PRKG1: variants seen among roughly 807,000 people sequenced by gnomAD.
The protein encoded by PRKG1 is cGMP-dependent protein kinase 1.
Under a neutral mutation model 88.1 loss-of-function variants are expected in PRKG1, and 35 were observed. The ratio of observed to expected loss-of-function variants is 0.40; its 90% CI spans 0.30 to 0.53. The LOEUF is 0.53. PRKG1 is among the 20% of genes least tolerant of loss of function. The pLI is 0.59. For missense variants in PRKG1, 540 were observed against 839.8 expected (o/e 0.64, Z 4.41); for synonymous variants, 303 against 292.5 (o/e 1.04, Z -0.37).
intron 4 of PRKG1, among the ~76,000 whole-genome samples, chr10:51,872,734 T>A (rs1016804364): frequency 6.6e-6 from 1 of 152,136 alleles, no homozygotes; most frequent in African/African-American, 2.4e-5. Context: ...ATTGTATTCC[T>A]CACAGCAACT....
chr10:51,399,135 A>T (rs974510509), intron 2 of PRKG1, among the ~76,000 whole-genome samples: 5 of 151,880 alleles, frequency 3.3e-5, no homozygotes, highest in South Asian at 2.1e-4. Context: ...ATGTATACAT[A>T]TACATGTATA....
chr10:51,227,861 G>A (rs1838734624), intron 2 of PRKG1, among the ~76,000 whole-genome samples: 2 of 152,144 alleles, frequency 1.3e-5, no homozygotes, highest in South Asian at 4.1e-4. Flanking sequence ...TCACAGCAGG[G>A]ACTATCAAGT....
At chr10:52,045,101 A>G (rs765224527) in intron 5 of PRKG1, among the ~76,000 whole-genome samples, 10 of 152,066 alleles carry the variant, frequency 6.6e-5, no homozygotes, top group African/African-American at 1.2e-4. Context: ...GTACTTTCAC[A>G]TCTATTCCTT....
intron 2 of PRKG1, among the ~76,000 whole-genome samples, chr10:51,403,589 A>G (rs929416409): frequency 2.0e-5 from 3 of 152,180 alleles, no homozygotes. Flanking sequence ...AACTTGCCCA[A>G]TAATCCATTT....
chr10:51,767,283 G>A (rs1206968634), intron 3 of PRKG1, among the ~76,000 whole-genome samples: 2 of 152,100 alleles, frequency 1.3e-5, no homozygotes, highest in African/African-American at 4.8e-5. Context: ...CTACCATGGA[G>A]AGCTATTTGA....
chr10:51,474,691 G>C (rs1840144331), intron 3 of PRKG1, among the ~76,000 whole-genome samples: 1 of 151,902 alleles, frequency 6.6e-6, no homozygotes, highest in Non-Finnish European at 1.5e-5. Flanking sequence ...AATTTAAACA[G>C]CAGCTAAAGA....
intron 3 of PRKG1, among the ~76,000 whole-genome samples, chr10:51,791,500 A>G (rs576737055): frequency 6.6e-6 from 1 of 152,224 alleles, no homozygotes; most frequent in African/African-American, 2.4e-5. Flanking sequence ...ACTGTCCTCA[A>G]TTTCTAATCT....
intron 3 of PRKG1, among the ~76,000 whole-genome samples, chr10:51,793,156 A>AAAAAC (rs1564648949): frequency 1.3e-5 from 2 of 149,792 alleles, no homozygotes; most frequent in South Asian, 2.1e-4. Flanking sequence ...AAAAAAAAAA[A>AAAAAC]AACCAGAACA....
At chr10:52,130,108 T>C (rs187620656) in intron 7 of PRKG1, among the ~76,000 whole-genome samples, 1 of 152,338 alleles carries the variant, frequency 6.6e-6, no homozygotes, top group Admixed American at 6.5e-5. Context: ...ACATGTACTA[T>C]ATGCTCAATA....
chr10:52,017,134 A>G (rs1395269283), intron 5 of PRKG1, among the ~76,000 whole-genome samples: 3 of 152,200 alleles, frequency 2.0e-5, no homozygotes, highest in Non-Finnish European at 4.4e-5. Flanking sequence ...AGAAAAAGAA[A>G]AACAAAAGAG....
intron 3 of PRKG1, among the ~76,000 whole-genome samples, chr10:51,749,932 CT>C (rs1179911606): frequency 0.039 from 5,080 of 131,664 alleles, 103 homozygotes; most frequent in African/African-American, 0.062. Context: ...CTCTAATAGT[CT>C]TTTTTTTTTT....
chr10:51,299,449 A>G (rs10762014), intron 2 of PRKG1: 105,857 of 429,366 alleles, frequency 0.25, 13,943 homozygotes, highest in Admixed American at 0.41. Flanking sequence ...CAGGTGATCC[A>G]CCCACCTCGG....
At chr10:52,191,407 A>G (rs557724964) in intron 9 of PRKG1, among the ~76,000 whole-genome samples, 45 of 151,880 alleles carry the variant, frequency 3.0e-4, no homozygotes, top group African/African-American at 9.4e-4. Flanking sequence ...GTCTCAAGCA[A>G]TCCACCCGCC....
At chr10:52,184,303 C>T (rs1839127020) in intron 9 of PRKG1, among the ~76,000 whole-genome samples, 1 of 152,006 alleles carries the variant, frequency 6.6e-6, no homozygotes, top group African/African-American at 2.4e-5. Context: ...ATGGTTCAAC[C>T]TATGATTTTA....
At chr10:52,242,793 G>A (rs960611370) in intron 9 of PRKG1, among the ~76,000 whole-genome samples, 1 of 152,008 alleles carries the variant, frequency 6.6e-6, no homozygotes, top group African/African-American at 2.4e-5. Flanking sequence ...CTACTCAGGA[G>A]GCTGAGGCAG....
intron 3 of PRKG1, among the ~76,000 whole-genome samples, chr10:51,683,486 G>C (rs992614799): frequency 2.6e-5 from 4 of 152,180 alleles, no homozygotes; most frequent in African/African-American, 9.7e-5. Context: ...TTTGAGAAAA[G>C]AAAAGCTTTA....
intron 3 of PRKG1, among the ~76,000 whole-genome samples, chr10:51,468,302 C>G (rs1181743932): frequency 6.6e-6 from 1 of 151,752 alleles, no homozygotes. Context: ...TAAGATATCT[C>G]CTGAATTCTA....
chr10:51,559,295 C>T (rs1478689276), intron 3 of PRKG1, among the ~76,000 whole-genome samples: 2 of 152,070 alleles, frequency 1.3e-5, no homozygotes, highest in Admixed American at 6.6e-5. Context: ...ACCGACGGGA[C>T]AGAAAAACAA....
At chr10:51,127,170 C>T (rs571287580) in intron 1 of PRKG1, among the ~76,000 whole-genome samples, 1 of 152,180 alleles carries the variant, frequency 6.6e-6, no homozygotes, top group South Asian at 2.1e-4. Context: ...TCAGGGTGAA[C>T]AGGCAATCCA....
Sources: gnomAD v4.1 joint callset for allele counts (sites outside exome capture counted in the v4.1 genomes callset) on GRCh38, gnomAD v4.1.1 for gene constraint, MANE v1.5 for transcripts, NCBI Gene and HGNC (gene_info 2026-07-23, HGNC 2026-07-21) for gene names.